The following PAG1 variants were observed in gnomAD, a reference collection of about 807,000 sequenced individuals.
PAG1 encodes phosphoprotein associated with glycosphingolipid-enriched microdomains 1.
PAG1 carries 23 observed loss-of-function variants against 31.7 expected under a neutral mutation model. That is an observed-to-expected ratio of 0.73 (90% CI 0.52 to 1.03). The LOEUF (loss-of-function observed/expected upper bound fraction) is 1.03, where lower values mean the gene tolerates loss of function less well. PAG1 is among the 50% of genes least tolerant of loss of function. The pLI, the probability that PAG1 is intolerant of heterozygous loss-of-function variation, is 0.00. For missense variants in PAG1, 473 were observed against 540.7 expected (o/e 0.87, Z 1.24); for synonymous variants, 214 against 210.3 (o/e 1.02, Z -0.15).
intron 2 of PAG1, among the ~76,000 whole-genome samples, chr8:81,046,726 T>C (rs1808648316): frequency 6.6e-6 from 1 of 152,170 alleles, no homozygotes; most frequent in African/African-American, 2.4e-5. Flanking sequence ...GTGCAGGATG[T>C]GCAGGTTTAT....
intron 1 of PAG1, among the ~76,000 whole-genome samples, chr8:81,082,252 CAAAAAAAAAA>C (rs748117144): frequency 1.2e-4 from 6 of 48,070 alleles, no homozygotes; most frequent in African/African-American, 3.9e-4. Flanking sequence ...GACTCTGTCT[CAAAAAAAAAA>C]AAAAAAAAAA....
intron 1 of PAG1, among the ~76,000 whole-genome samples, chr8:81,076,818 T>G (rs373402179): frequency 6.6e-6 from 1 of 152,268 alleles, no homozygotes; most frequent in Non-Finnish European, 1.5e-5. Context: ...TCAATATTTA[T>G]TACTGTCTCT....
intron 1 of PAG1, among the ~76,000 whole-genome samples, chr8:81,110,469 G>C (rs571675502): frequency 1.3e-5 from 2 of 152,138 alleles, no homozygotes; most frequent in Non-Finnish European, 2.9e-5. Context: ...AATCTCTCGG[G>C]AACAGCTGAG....
chr8:81,002,352 T>C (rs1206099587), intron 3 of PAG1, among the ~76,000 whole-genome samples: 4 of 152,228 alleles, frequency 2.6e-5, no homozygotes, highest in Non-Finnish European at 5.9e-5. Context: ...AAAGATCCAC[T>C]TCCTTTTAGC....
intron 2 of PAG1, among the ~76,000 whole-genome samples, chr8:81,033,446 G>A (rs1167314357): frequency 6.6e-6 from 1 of 152,162 alleles, no homozygotes; most frequent in Non-Finnish European, 1.5e-5. Flanking sequence ...GTTAATCACT[G>A]CAAATGATTA....
intron 2 of PAG1, among the ~76,000 whole-genome samples, chr8:81,064,069 T>C (rs575227993): frequency 6.6e-6 from 1 of 152,116 alleles, no homozygotes; most frequent in African/African-American, 2.4e-5. Context: ...ACATGGTAGA[T>C]TAGCTTACAA....
intron 1 of PAG1, among the ~76,000 whole-genome samples, chr8:81,091,636 G>A (rs901073244): frequency 6.6e-6 from 1 of 152,006 alleles, no homozygotes; most frequent in Non-Finnish European, 1.5e-5. Context: ...ATGGGACCAC[G>A]GTTTTATATG....
intron 3 of PAG1, among the ~76,000 whole-genome samples, chr8:81,006,971 TC>T (rs1345822321): frequency 6.6e-6 from 1 of 152,204 alleles, no homozygotes; most frequent in Admixed American, 6.5e-5. Flanking sequence ...ATTTCCATTT[TC>T]TTTGGAAAGT....
At chr8:80,996,507 A>T (rs1012325932) in intron 3 of PAG1, among the ~76,000 whole-genome samples, 1 of 152,008 alleles carries the variant, frequency 6.6e-6, no homozygotes, top group African/African-American at 2.4e-5. Context: ...TTGGCAGCTC[A>T]TCTACAACTG....
At chr8:81,039,013 A>G (rs1808509100) in intron 2 of PAG1, among the ~76,000 whole-genome samples, 1 of 152,200 alleles carries the variant, frequency 6.6e-6, no homozygotes, top group Non-Finnish European at 1.5e-5. Context: ...GCAATAGTTA[A>G]GTGCCCAGTA....
chr8:81,045,282 AT>A (rs1051691813), intron 2 of PAG1, among the ~76,000 whole-genome samples: 1 of 152,180 alleles, frequency 6.6e-6, no homozygotes, highest in African/African-American at 2.4e-5. Flanking sequence ...TAAGCACTGA[AT>A]TTGTGGCTAT....
intron 1 of PAG1, among the ~76,000 whole-genome samples, chr8:81,085,973 T>TTTTTTTG (rs1809346166): frequency 4.4e-5 from 2 of 45,626 alleles, no homozygotes; most frequent in African/African-American, 3.0e-4. Flanking sequence ...ATCTGGCTTG[T>TTTTTTTG]TTTTTTTTTT....
intron 1 of PAG1, among the ~76,000 whole-genome samples, chr8:81,082,252 C>CAAAAAAAAAAA (rs748117144): frequency 2.1e-5 from 1 of 48,092 alleles, no homozygotes; most frequent in Non-Finnish European, 4.7e-5. Context: ...GACTCTGTCT[C>CAAAAAAAAAAA]AAAAAAAAAA....
chr8:81,082,591 C>G (rs1354322029), intron 1 of PAG1, among the ~76,000 whole-genome samples: 1 of 152,102 alleles, frequency 6.6e-6, no homozygotes, highest in African/African-American at 2.4e-5. Flanking sequence ...CCTTGAGGCT[C>G]TCTATTCTAT....
At chr8:81,108,189 G>A (rs985763579) in intron 1 of PAG1, among the ~76,000 whole-genome samples, 2 of 152,130 alleles carry the variant, frequency 1.3e-5, no homozygotes, top group African/African-American at 4.8e-5. Context: ...AGTGATCAGG[G>A]GAGACTTTTA....
intron 2 of PAG1, among the ~76,000 whole-genome samples, chr8:81,056,415 A>G (rs1808823681): frequency 6.6e-6 from 1 of 152,142 alleles, no homozygotes; most frequent in Admixed American, 6.5e-5. Context: ...AAATAATACC[A>G]CACATCTACA....
chr8:81,092,558 G>C (rs147700935), intron 1 of PAG1, among the ~76,000 whole-genome samples: 1 of 152,180 alleles, frequency 6.6e-6, no homozygotes, highest in Admixed American at 6.5e-5. Context: ...ATCAAATGTT[G>C]ATGTCCCTCT....
intron 1 of PAG1, among the ~76,000 whole-genome samples, chr8:81,107,573 G>C (rs1809713661): frequency 6.6e-6 from 1 of 152,140 alleles, no homozygotes; most frequent in Non-Finnish European, 1.5e-5. Flanking sequence ...TTCCACAAAA[G>C]AGGATAATAA....
At chr8:81,086,587 A>G (rs1397906923) in intron 1 of PAG1, among the ~76,000 whole-genome samples, 1 of 152,134 alleles carries the variant, frequency 6.6e-6, no homozygotes, top group African/African-American at 2.4e-5. Flanking sequence ...ATAGAAGTGG[A>G]ATAGTCTCTG....
Sources: allele counts gnomAD v4.1 joint callset (sites outside exome capture counted in the v4.1 genomes callset), GRCh38; gene constraint gnomAD v4.1.1; transcripts MANE v1.5; gene names NCBI Gene and HGNC (gene_info 2026-07-23, HGNC 2026-07-21).